Variants in GRIK2 observed in about 807,000 individuals in gnomAD.
GRIK2 encodes the protein glutamate receptor ionotropic, kainate 2.
GRIK2 carries 32 observed loss-of-function variants against 100.3 expected under a neutral mutation model. The observed-to-expected ratio is 0.32, with a 90% CI of 0.24 to 0.43. GRIK2 has a LOEUF of 0.43. Ranked by LOEUF, GRIK2 falls within the 20% of genes least tolerant of loss-of-function variation. The probability of loss-of-function intolerance (pLI) is 1.00; values close to 1 mark genes in which losing one functional copy is unlikely to be tolerated. For missense variants in GRIK2, 843 were observed against 1,114.9 expected, an observed-to-expected ratio of 0.76 and a Z score of 3.47; for synonymous variants, 417 against 389.4, an observed-to-expected ratio of 1.07 and a Z score of -0.83.
intron 9 of GRIK2, among the ~76,000 whole-genome samples, chr6:101,817,196 A>G (rs1781688151): frequency 6.6e-6 from 1 of 152,200 alleles, no homozygotes; most frequent in Admixed American, 6.5e-5. Context: ...CCTAACACCA[A>G]CATCAGGAAT....
At chr6:101,785,655 C>T (rs2128404240) in intron 7 of GRIK2, among the ~76,000 whole-genome samples, 1 of 151,968 alleles carries the variant, frequency 6.6e-6, no homozygotes, top group South Asian at 2.1e-4. Context: ...CTGGATTGCC[C>T]ATTTTGTTTC....
chr6:101,845,353 G>A (rs956567287), intron 10 of GRIK2, among the ~76,000 whole-genome samples: 3 of 152,090 alleles, frequency 2.0e-5, no homozygotes, highest in African/African-American at 7.2e-5. Context: ...TAGCCTATCT[G>A]CTTTCTCTTT....
At chr6:102,050,110 A>G (rs1771093086) in intron 15 of GRIK2, among the ~76,000 whole-genome samples, 1 of 152,198 alleles carries the variant, frequency 6.6e-6, no homozygotes, top group Non-Finnish European at 1.5e-5. Flanking sequence ...TGTAAAATTG[A>G]GAGTTTGTAC....
chr6:101,531,939 T>G (rs1196775611), intron 2 of GRIK2, among the ~76,000 whole-genome samples: 11 of 151,980 alleles, frequency 7.2e-5, no homozygotes, highest in Non-Finnish European at 4.4e-5. Flanking sequence ...TGCAATAACT[T>G]ACCAAGTTGT....
chr6:101,750,623 T>A (rs1171067931), intron 7 of GRIK2, among the ~76,000 whole-genome samples: 1 of 152,194 alleles, frequency 6.6e-6, no homozygotes, highest in African/African-American at 2.4e-5. Flanking sequence ...AATATCTCAA[T>A]GCTATAGCAA....
intron 2 of GRIK2, among the ~76,000 whole-genome samples, chr6:101,510,510 G>GTTTTTTTT (rs142391999): frequency 1.1e-5 from 1 of 94,346 alleles, no homozygotes; most frequent in Non-Finnish European, 2.0e-5. Flanking sequence ...CAGTTGGGGA[G>GTTTTTTTT]TTTTTTTTTT....
At chr6:101,867,489 T>G (rs59032707) in intron 11 of GRIK2, among the ~76,000 whole-genome samples, 15,609 of 151,702 alleles carry the variant, frequency 0.1, 2,303 homozygotes, top group African/African-American at 0.33. Flanking sequence ...AGAAACATGG[T>G]CTATCACAGA....
intron 2 of GRIK2, among the ~76,000 whole-genome samples, chr6:101,407,787 G>A (rs1832412): frequency 0.37 from 56,154 of 151,968 alleles, 10,668 homozygotes; most frequent in African/African-American, 0.46. Flanking sequence ...GTGTAATCCA[G>A]TTAAAGAGAA....
At chr6:102,052,966 G>T (rs548278107) in intron 15 of GRIK2, among the ~76,000 whole-genome samples, 2 of 152,078 alleles carry the variant, frequency 1.3e-5, no homozygotes, top group South Asian at 4.2e-4. Flanking sequence ...TACTCAGGAT[G>T]CTGAGGCAGG....
intron 2 of GRIK2, among the ~76,000 whole-genome samples, chr6:101,570,481 C>T (rs1777478847): frequency 6.6e-6 from 1 of 152,066 alleles, no homozygotes; most frequent in African/African-American, 2.4e-5. Flanking sequence ...CAGCCTCCCC[C>T]TTCTCCCCCT....
intron 14 of GRIK2, among the ~76,000 whole-genome samples, chr6:102,008,304 G>C (rs1261546690): frequency 6.6e-6 from 1 of 152,008 alleles, no homozygotes; most frequent in Admixed American, 6.6e-5. Context: ...ACATGACCAG[G>C]CAACAGAACA....
intron 14 of GRIK2, among the ~76,000 whole-genome samples, chr6:101,964,534 T>C (rs757924012): frequency 2.6e-5 from 4 of 152,104 alleles, no homozygotes; most frequent in Admixed American, 6.5e-5. Flanking sequence ...GGCAGCCTAA[T>C]GTCTAGTTCT....
chr6:101,702,437 A>G lies in GRIK2; in HGVS notation c.951+16084A>G, dbSNP rs951970789. Among the ~76,000 whole-genome samples the G allele has an allele frequency of 6.6e-5, 10 of 152,126 alleles. 1 individual carries two copies. Among genetic ancestry groups the G allele is most frequent in the Admixed American group, 6.6e-4 (10 of 15,230 alleles). On this transcript the variant is annotated intron_variant, in intron 7 of 16. Transcript: ENST00000369134. ...TATGCCTTAACTGTTTAACTGGCCA[A>G]ATGTTAGCTTTGATTACTTTGGAAA...
At position 101,893,695 on chromosome 6, in the gene GRIK2, A is replaced by T. The variant is rs550925732; in HGVS notation, c.1748+3832A>T. Among the ~76,000 whole-genome samples, 30 of 151,876 alleles carry T rather than the reference A, an allele frequency of 2.0e-4. No individual in the cohort carries two copies. In the South Asian group the frequency reaches 2.9e-3, roughly 15 times the overall value. On this transcript the variant is annotated intron_variant, in intron 12 of 16. Transcript: ENST00000369134. ...ATTTGTTGAGCCTCTAGTAAGCACT[A>T]ATTAGATCCCATAAAATATTAAACA...
At chr6:101,906,442 T>C (rs1009723741) in intron 12 of GRIK2, among the ~76,000 whole-genome samples, 1 of 150,130 alleles carries the variant, frequency 6.7e-6, no homozygotes, top group South Asian at 2.1e-4. Context: ...TTAAAACCAT[T>C]TACTCCCAAA....
intron 2 of GRIK2, among the ~76,000 whole-genome samples, chr6:101,547,385 T>C (rs1776296329): frequency 6.6e-6 from 1 of 152,168 alleles, no homozygotes; most frequent in African/African-American, 2.4e-5. Flanking sequence ...TTGTTACATA[T>C]GTATACATGT....
At chr6:101,522,817 TC>T (rs1448455881) in intron 2 of GRIK2, among the ~76,000 whole-genome samples, 13 of 152,074 alleles carry the variant, frequency 8.5e-5, no homozygotes, top group African/African-American at 3.1e-4. Context: ...GCTCCATGGC[TC>T]CATGACTTCT....
chr6:102,042,581 AT>A (rs1177755017), intron 15 of GRIK2, among the ~76,000 whole-genome samples: 2 of 151,438 alleles, frequency 1.3e-5, no homozygotes, highest in African/African-American at 2.4e-5. Context: ...AAAAAGATAT[AT>A]TTTTTTCTTC....
chr6:101,794,825 T>C (rs909182497), intron 7 of GRIK2, among the ~76,000 whole-genome samples: 1 of 151,596 alleles, frequency 6.6e-6, no homozygotes, highest in African/African-American at 2.4e-5. Context: ...TCTGTCCTTA[T>C]GTTGATATCT....
Sources: gnomAD v4.1 joint callset for allele counts (sites outside exome capture counted in the v4.1 genomes callset) on GRCh38, gnomAD v4.1.1 for gene constraint, MANE v1.5 for transcripts, NCBI Gene and HGNC (gene_info 2026-07-23, HGNC 2026-07-21) for gene names.